Variants in PTPRG observed in about 807,000 individuals in gnomAD.
PTPRG encodes receptor-type tyrosine-protein phosphatase gamma.
A neutral mutation model predicts 165.3 loss-of-function variants in PTPRG; 102 were observed. That is an observed-to-expected ratio of 0.62 (90% CI 0.53 to 0.73). The LOEUF is 0.73. Among genes scored for constraint, PTPRG ranks in the 30% least tolerant of loss-of-function variants. PTPRG has a pLI of 0.00. For synonymous variants in PTPRG, 675 were observed against 669.5 expected, an observed-to-expected ratio of 1.01 and a Z score of -0.13; for missense variants, 1,866 against 1,861.4, an observed-to-expected ratio of 1.00 and a Z score of -0.05.
chr3:61,681,417 G>A (rs543835480), intron 1 of PTPRG, among the ~76,000 whole-genome samples: 3 of 152,298 alleles, frequency 2.0e-5, no homozygotes, highest in African/African-American at 7.2e-5. Context: ...CATTTACAGT[G>A]GGGTATTGGT....
At chr3:62,090,743 C>A (rs190347822) in intron 5 of PTPRG, among the ~76,000 whole-genome samples, 1 of 152,186 alleles carries the variant, frequency 6.6e-6, no homozygotes, top group African/African-American at 2.4e-5. Context: ...TGTGCGTTAT[C>A]CCATTTCATG....
intron 19 of PTPRG, 53 bp from the exon 20 acceptor site, chr3:62,268,982 C>T: frequency 6.8e-7 from 1 of 1,473,352 alleles, no homozygotes; most frequent in Non-Finnish European, 9.1e-7. Flanking sequence ...ACATTATCAA[C>T]AGAATTGTGG....
chr3:62,132,720 T>C (rs768236996), intron 6 of PTPRG, 52 bp downstream of exon 6: 1 of 1,456,964 alleles, frequency 6.9e-7, no homozygotes, highest in South Asian at 1.1e-5. Flanking sequence ...GGCTCAGATC[T>C]CTACCTAAAA....
At chr3:62,060,833 C>G (rs1407972882) in intron 4 of PTPRG, among the ~76,000 whole-genome samples, 1 of 152,026 alleles carries the variant, frequency 6.6e-6, no homozygotes, top group African/African-American at 2.4e-5. Flanking sequence ...GGTTTTCTGC[C>G]CTCCTTTATC....
intron 26 of PTPRG, 91 bp downstream of exon 26, chr3:62,277,770 A>ATGC: frequency 6.7e-7 from 1 of 1,497,700 alleles, no homozygotes; most frequent in Non-Finnish European, 9.0e-7. Flanking sequence ...TATAGTATCC[A>ATGC]TATATGCTAG....
intron 6 of PTPRG, among the ~76,000 whole-genome samples, chr3:62,151,424 T>G (rs1410726743): frequency 6.6e-6 from 1 of 152,206 alleles, no homozygotes; most frequent in Non-Finnish European, 1.5e-5. Flanking sequence ...GTAGACTACT[T>G]AATACAGTGT....
chr3:62,011,466 G>A (rs75038971), intron 4 of PTPRG, among the ~76,000 whole-genome samples: 2,272 of 152,272 alleles, frequency 0.015, 48 homozygotes, highest in African/African-American at 0.05. Context: ...GAGCGTGGAC[G>A]TGTTAGAGAG....
At chr3:62,029,873 G>A (rs567400864) in intron 4 of PTPRG, among the ~76,000 whole-genome samples, 35 of 152,272 alleles carry the variant, frequency 2.3e-4, no homozygotes, top group Admixed American at 7.8e-4. Flanking sequence ...ATAACACAGT[G>A]CATTTCATAT....
rs1213049616 is a variant in PTPRG at position 62,213,831 on chromosome 3, C to A, written c.2156-5020C>A. Among the ~76,000 whole-genome samples the A allele has an allele frequency of 6.6e-6, 1 of 152,146 alleles. No homozygotes were observed. Among genetic ancestry groups the A allele is most frequent in the Non-Finnish European group, 1.5e-5 (1 of 68,022 alleles). ...TTGTGTGTTGTAGTAGTCCTAGCAGCTTGCTGTTTTATTAGGGCCACAAAT... is the reference window on the plus strand; with the variant it reads ...TTGTGTGTTGTAGTAGTCCTAGCAGATTGCTGTTTTATTAGGGCCACAAAT... On this transcript the variant is annotated intron_variant, in intron 12 of 29. Transcript: ENST00000474889. The surrounding 1 kb of genome is among the most constrained non-coding windows in gnomAD (Gnocchi z 4.4).
chr3:62,229,734 C>G lies in PTPRG; in HGVS notation c.2289-1491C>G, dbSNP rs532435365. Among the ~76,000 whole-genome samples, 4 of 152,318 alleles carry G rather than the reference C, an allele frequency of 2.6e-5. No individual in the cohort carries two copies. In the South Asian group the frequency reaches 8.3e-4, roughly 32 times the overall value. On this transcript the variant is annotated intron_variant, in intron 13 of 29. Transcript: ENST00000474889. The surrounding 1 kb of genome is among the most constrained non-coding windows in gnomAD (Gnocchi z 4.6). ...GGTTTGCTCAGGTAGCCTCAAATAT[C>G]TCAATTATTCAAGATATTAGTTATT...
intron 4 of PTPRG, among the ~76,000 whole-genome samples, chr3:62,022,149 C>T (rs985805548): frequency 4.1e-4 from 63 of 152,124 alleles, no homozygotes; most frequent in South Asian, 8.3e-4. Flanking sequence ...ATCCTATGGG[C>T]GGGTACCATT....
chr3:61,846,349 C>T (rs138664986), intron 2 of PTPRG, among the ~76,000 whole-genome samples: 7 of 152,222 alleles, frequency 4.6e-5, no homozygotes, highest in South Asian at 2.1e-4. Context: ...ATCCATGTGA[C>T]GGTTGCAGGT....
chr3:61,827,619 T>G (rs1218282747), intron 2 of PTPRG, among the ~76,000 whole-genome samples: 1 of 152,194 alleles, frequency 6.6e-6, no homozygotes, highest in East Asian at 1.9e-4. Flanking sequence ...TAACCATGTG[T>G]CTATCTATAT....
At chr3:62,128,733 G>C (rs1349777707) in intron 5 of PTPRG, among the ~76,000 whole-genome samples, 3 of 148,888 alleles carry the variant, frequency 2.0e-5, no homozygotes, top group Non-Finnish European at 4.4e-5. Context: ...CTGCATCCTA[G>C]ATGGAGAATA....
chr3:61,900,605 T>C (rs2038472641), intron 2 of PTPRG, among the ~76,000 whole-genome samples: 1 of 152,182 alleles, frequency 6.6e-6, no homozygotes, highest in Non-Finnish European at 1.5e-5. Context: ...ACCCTGTCTC[T>C]AAGGCTAAGT....
intron 2 of PTPRG, among the ~76,000 whole-genome samples, chr3:61,923,401 AT>A (rs937508337): frequency 6.6e-6 from 1 of 151,784 alleles, no homozygotes; most frequent in Non-Finnish European, 1.5e-5. Flanking sequence ...CTCTTTTTTT[AT>A]TTTTTATTTT....
At chr3:62,152,048 C>A (rs767039060) in intron 6 of PTPRG, among the ~76,000 whole-genome samples, 4 of 152,096 alleles carry the variant, frequency 2.6e-5, no homozygotes, top group Non-Finnish European at 5.9e-5. Flanking sequence ...GCACTTCTCC[C>A]CATTTTATAA....
In PTPRG at chr3:61,820,922, C is replaced by G. The variant is rs910319686; in HGVS notation, c.190+71940C>G. Among the ~76,000 whole-genome samples, 9 of 152,128 alleles carry G rather than the reference C, an allele frequency of 5.9e-5. No homozygotes were observed. In the South Asian group the frequency reaches 8.3e-4, roughly 14 times the overall value. ...TTGGACATGGTGTTTTTTTGATTCA[C>G]TGTGAACATTTATGGATTTTTTTTC... On this transcript the variant is annotated intron_variant, in intron 2 of 29. Coordinates refer to ENST00000474889, the MANE Select transcript of PTPRG (RefSeq NM_002841.4).
intron 4 of PTPRG, among the ~76,000 whole-genome samples, chr3:62,042,285 T>A (rs1272933943): frequency 6.6e-6 from 1 of 152,154 alleles, no homozygotes; most frequent in African/African-American, 2.4e-5. Context: ...GCGACAGGTA[T>A]GGAATAAACC....
Sources: allele counts gnomAD v4.1 joint callset (sites outside exome capture counted in the v4.1 genomes callset), GRCh38; gene constraint gnomAD v4.1.1; non-coding constraint Gnocchi (gnomAD v3.1); transcripts MANE v1.5; gene names NCBI Gene and HGNC (gene_info 2026-07-23, HGNC 2026-07-21).